Variants in PPY observed in about 807,000 individuals in gnomAD.
The protein encoded by PPY is pancreatic polypeptide prohormone.
A neutral mutation model predicts 9.3 loss-of-function variants in PPY; 6 were observed. The observed-to-expected ratio is 0.64, with a 90% CI of 0.35 to 1.27. PPY has a LOEUF of 1.27. Among genes scored for constraint, PPY ranks in the 50% most tolerant of loss-of-function variants. The pLI, the probability that PPY is intolerant of heterozygous loss-of-function variation, is 0.03. For synonymous variants in PPY, 58 were observed against 54.6 expected, an observed-to-expected ratio of 1.06 and a Z score of -0.27; for missense variants, 109 against 119.1, an observed-to-expected ratio of 0.91 and a Z score of 0.40.
chr17:43,940,870 G>A lies in PPY; in HGVS notation c.*58C>T, dbSNP rs1188695185. 4 of 1,574,476 alleles carry A rather than the reference G, an allele frequency of 2.5e-6. No homozygotes were observed. The highest frequency in any genetic ancestry group is 1.3e-5 in the African/African-American group (1 of 74,240). On this transcript the variant is annotated 3_prime_UTR_variant, in exon 4 of 4. Coordinates refer to ENST00000225992, the MANE Select transcript of PPY (RefSeq NM_002722.5). The stretch of plus-strand genomic sequence containing the variant: ...GCAAGCTTTGGCCAGAGCCAAGGGT[G>A]CAGAGGGGAGAGCTGGGCTGGCGCT...
chr17:43,941,213 AC>A lies in PPY; in HGVS notation c.192del (p.Arg64SerfsTer69). ...GTGTCCTCTTTGTGTCTTTTCCCATACCTGGGAGGGAAGAGGCAGCAGGGGC... is the reference window on the plus strand; with the variant it reads ...GTGTCCTCTTTGTGTCTTTTCCCATACTGGGAGGGAAGAGGCAGCAGGGGC... ...RRYINMLTRP[R>X]YGKRHKEDTL... On this transcript the variant is annotated frameshift_variant and splice_region_variant, in exon 3 of 4. Transcript: ENST00000225992. LOFTEE classifies it high-confidence loss of function. 6.4e-7 allele frequency: 1 copy of A among 1,551,294 alleles called. No homozygotes were observed. The highest frequency in any genetic ancestry group is 1.2e-5 in the South Asian group (1 of 84,028).
chr17:43,941,339 C>T (rs750707055), intron 2 of PPY, 125 bp from the exon 3 acceptor site: 9 of 1,518,760 alleles, frequency 5.9e-6, no homozygotes, highest in Admixed American at 3.8e-5. Flanking sequence ...CACAGATGCC[C>T]TGTTTTCCCA....
Position 43,941,528 on chromosome 17 carries a change from G to A in PPY, c.127C>T (p.Pro43Ser). Residue 43 changes from proline to serine, a missense_variant, in exon 2 of 4, where the codon CCA becomes TCA. Transcript: ENST00000225992. ...GCTGCATACTGGGCCATCTGCTCTG[G>A]TGTGGCATTGTCCCCTGGGTACACT... ...EPVYPGDNAT[P>S]EQMAQYAADL... 1 of 1,614,072 alleles carries A rather than the reference G, an allele frequency of 6.2e-7. No individual in the cohort carries two copies. Among genetic ancestry groups the A allele is most frequent in the Non-Finnish European group, 8.5e-7 (1 of 1,180,012 alleles).
upstream of PPY, among the ~76,000 whole-genome samples, chr17:43,943,590 A>C (rs1456572148): frequency 6.6e-6 from 1 of 152,082 alleles, no homozygotes; most frequent in Non-Finnish European, 1.5e-5. Context: ...TGCTTAGGCC[A>C]AGGAGTGGTA....
rs1294193714 is a variant in PPY at position 43,940,915 on chromosome 17, ACAGAAGGTGGCATTATAAGTC to A, written c.280_*12del. 1 of 1,605,032 alleles carries A rather than the reference ACAGAAGGTGGCATTATAAGTC, an allele frequency of 6.2e-7. No homozygotes were observed. The highest frequency in any genetic ancestry group is 8.5e-7 in the Non-Finnish European group (1 of 1,176,048). ...GGCGCTGCTCATGGAGTCGTAGGAG[ACAGAAGGTGGCATTATAAGTC>A]CAGCGGGCTGAGCTCCCTGTGAGGA... On this transcript the variant is annotated stop_lost and 3_prime_UTR_variant, in exon 4 of 4. Coordinates refer to ENST00000225992, the MANE Select transcript of PPY (RefSeq NM_002722.5).
chr17:43,941,136 A>G lies in PPY; in HGVS notation c.263+7T>C, dbSNP rs933699559. 21 of 1,551,408 alleles carry G rather than the reference A, an allele frequency of 1.4e-5. No individual in the cohort carries two copies. Among genetic ancestry groups the G allele is most frequent in the Admixed American group, 1.2e-4 (6 of 50,974 alleles). Reference sequence around the variant, plus strand: ...GCTGGACAGACAGGGCAGGGAGTCAAACTCACCTGGGGACAGCAGCATGCG... The same window carrying G: ...GCTGGACAGACAGGGCAGGGAGTCAGACTCACCTGGGGACAGCAGCATGCG... On this transcript the variant is annotated splice_region_variant and intron_variant, in intron 3 of 3. Transcript: ENST00000225992.
At chr17:43,941,366 G>A (rs772879495) in intron 2 of PPY, 98 bp downstream of exon 2, 2 of 1,552,700 alleles carry the variant, frequency 1.3e-6, no homozygotes, top group Non-Finnish European at 1.8e-6. Context: ...GGCCTGGAAG[G>A]GGCTGGGGCT....
upstream of PPY, among the ~76,000 whole-genome samples, chr17:43,944,015 C>T (rs2048594106): frequency 6.6e-6 from 1 of 152,194 alleles, no homozygotes; most frequent in Admixed American, 6.5e-5. Flanking sequence ...ACTTACATTC[C>T]ACAAAGCAAA....
rs929839523 is a variant in PPY at position 43,942,099 on chromosome 17, C to G, written c.-1+322G>C. On this transcript the variant is annotated intron_variant, in intron 1 of 3. Transcript: ENST00000225992. The surrounding 1 kb of genome is among the most constrained non-coding windows in gnomAD (Gnocchi z 5.3). ...GGCCCTCCACCCTGCGATAGAGACACAGATATCGGTCCTGGAGAAGACGCT... is the reference window on the plus strand; with the variant it reads ...GGCCCTCCACCCTGCGATAGAGACAGAGATATCGGTCCTGGAGAAGACGCT... 1.8e-5 allele frequency: 4 copies of G among 226,298 alleles called. No homozygotes were observed. Among genetic ancestry groups the G allele is most frequent in the Non-Finnish European group, 3.6e-5 (4 of 111,798 alleles). The allele number at this position is 226,298 out of a possible 1,614,324, so 14.0% of individuals were successfully genotyped here.
Position 43,942,099 on chromosome 17 carries a change from C to A in PPY, c.-1+322G>T. On this transcript the variant is annotated intron_variant, in intron 1 of 3. Coordinates refer to ENST00000225992, the MANE Select transcript of PPY (RefSeq NM_002722.5). This position sits in a 1 kb window ranked among gnomAD's most constrained non-coding sequence, Gnocchi z 5.3. ...GGCCCTCCACCCTGCGATAGAGACA[C>A]AGATATCGGTCCTGGAGAAGACGCT... The A allele has an allele frequency of 4.4e-6, 1 of 226,414 alleles. No homozygotes were observed. 14.0% of individuals were successfully genotyped at this position (226,414 alleles called of 1,614,324 possible).
At chr17:43,944,208 A>G (rs1274174189), upstream of PPY, among the ~76,000 whole-genome samples, 1 of 152,192 alleles carries the variant, frequency 6.6e-6, no homozygotes, top group East Asian at 1.9e-4. Context: ...CTGAGCTCCC[A>G]CAGGACCATG....
Position 43,941,605 on chromosome 17 carries a change from A to T in PPY, c.50T>A (p.Val17Glu). 1 of 1,613,368 alleles carries T rather than the reference A, an allele frequency of 6.2e-7. No homozygotes were observed. The highest frequency in any genetic ancestry group is 1.1e-5 in the South Asian group (1 of 91,026). Residue 17 changes from valine to glutamate, a missense_variant, in exon 2 of 4, where the codon GTG becomes GAG. Coordinates refer to ENST00000225992, the MANE Select transcript of PPY (RefSeq NM_002722.5). ...CLSLLLLSTC[V>E]ALLLQPLLGA... ...CAGCAGTGGCTGTAGTAACAGAGCCACGCAGGTGGACAGGAGCAGCAGGGA... is the reference window on the plus strand; with the variant it reads ...CAGCAGTGGCTGTAGTAACAGAGCCTCGCAGGTGGACAGGAGCAGCAGGGA...
At position 43,941,587 on chromosome 17, in the gene PPY, G is replaced by A. The variant is rs1338526878; in HGVS notation, c.68C>T (p.Pro23Leu). The A allele has an allele frequency of 6.2e-7, 1 of 1,613,806 alleles. No individual in the cohort carries two copies. Reference sequence around the variant, plus strand: ...TGGGGCTCCCTGGGCACCCAGCAGTGGCTGTAGTAACAGAGCCACGCAGGT... The same window carrying A: ...TGGGGCTCCCTGGGCACCCAGCAGTAGCTGTAGTAACAGAGCCACGCAGGT... ...LSTCVALLLQ[P>L]LLGAQGAPLE... is the part of the protein sequence containing the mutation. Residue 23 changes from proline (P) to leucine (L), a missense_variant, in exon 2 of 4, where the codon CCA becomes CTA. Transcript: ENST00000225992.
At chr17:43,944,118 C>T (rs184545163), upstream of PPY, among the ~76,000 whole-genome samples, 1 of 152,346 alleles carries the variant, frequency 6.6e-6, no homozygotes, top group Admixed American at 6.5e-5. Flanking sequence ...TGGCTGGTCT[C>T]AGCCTGGCCT....
intron 2 of PPY, 118 bp downstream of exon 2, chr17:43,941,346 C>G (rs756312902): frequency 6.8e-5 from 104 of 1,529,904 alleles, no homozygotes; most frequent in Non-Finnish European, 8.9e-5. Flanking sequence ...GCCCTGTTTT[C>G]CCAAGAGCAG....
chr17:43,942,302 C>T lies in PPY; in HGVS notation c.-1+119G>A, dbSNP rs2048584846. 6.5e-6 allele frequency: 1 copy of T among 152,972 alleles called. No homozygotes were observed. Among genetic ancestry groups the T allele is most frequent in the South Asian group, 2.1e-4 (1 of 4,846 alleles). The allele number at this position is 152,972 out of a possible 1,614,324, so 9.5% of individuals were successfully genotyped here. ...GTCTGTCCAGATGCAGAAAGCAAGACCCAAGCAGGACCTTAGGCCTCCCAA... is the reference window on the plus strand; with the variant it reads ...GTCTGTCCAGATGCAGAAAGCAAGATCCAAGCAGGACCTTAGGCCTCCCAA... On this transcript the variant is annotated intron_variant, in intron 1 of 3. Coordinates refer to ENST00000225992, the MANE Select transcript of PPY (RefSeq NM_002722.5). This position sits in a 1 kb window ranked among gnomAD's most constrained non-coding sequence, Gnocchi z 5.3.
At position 43,940,941 on chromosome 17, in the gene PPY, G is replaced by C. The variant is rs542104908; in HGVS notation, c.275C>G (p.Pro92Arg). 3 of 1,608,096 alleles carry C rather than the reference G, an allele frequency of 1.9e-6. No individual in the cohort carries two copies. Among genetic ancestry groups the C allele is most frequent in the Non-Finnish European group, 2.5e-6 (3 of 1,177,514 alleles). ...CAGAAGGTGGCATTATAAGTCCAGC[G>C]GGCTGAGCTCCCTGTGAGGACAGGG... is the stretch of plus-strand genomic sequence containing the variant. The part of the protein sequence containing the change: ...PHAAVPRELS[P>R]LDL Residue 92 changes from proline (P) to arginine (R), a missense_variant, in exon 4 of 4, where the codon CCG becomes CGG. Physicochemically the swap from Pro to Arg is moderately radical, Grantham distance 103. Coordinates refer to ENST00000225992, the MANE Select transcript of PPY (RefSeq NM_002722.5).
At chr17:43,941,023 C>G in intron 3 of PPY, 71 bp from the exon 4 acceptor site, 1 of 1,559,018 alleles carries the variant, frequency 6.4e-7, no homozygotes. Context: ...TCAGGCTGGC[C>G]CTGGGCTCCT....
In PPY at chr17:43,942,024, C is replaced by G. The variant is rs1238623747; in HGVS notation, c.1-370G>C. On this transcript the variant is annotated intron_variant, in intron 1 of 3. Coordinates refer to ENST00000225992, the MANE Select transcript of PPY (RefSeq NM_002722.5). The surrounding 1 kb of genome is among the most constrained non-coding windows in gnomAD (Gnocchi z 5.3). ...CAGGTCACCCACAGGGTGGGGGACA[C>G]AGAATGAACTCGGGAAGCCAAGGAC... Among the ~76,000 whole-genome samples, 1 of 152,118 alleles carries G rather than the reference C, an allele frequency of 6.6e-6. No homozygotes were observed. The highest frequency in any genetic ancestry group is 2.4e-5 in the African/African-American group (1 of 41,418).
Sources: gnomAD v4.1 joint callset for allele counts (sites outside exome capture counted in the v4.1 genomes callset) on GRCh38, gnomAD v4.1.1 for gene constraint, Gnocchi (gnomAD v3.1) non-coding constraint, MANE v1.5 for transcripts, NCBI Gene and HGNC (gene_info 2026-07-23, HGNC 2026-07-21) for gene names.